CALR3: variants seen among roughly 807,000 people sequenced by gnomAD.
CALR3 encodes calreticulin-3.
Under a neutral mutation model 48.7 loss-of-function variants are expected in CALR3, and 39 were observed. That is an observed-to-expected ratio of 0.80 (90% CI 0.62 to 1.05). CALR3 has a LOEUF of 1.05. CALR3 is among the 50% of genes least tolerant of loss of function. The probability of loss-of-function intolerance (pLI) is 0.00; values close to 1 mark genes in which losing one functional copy is unlikely to be tolerated. For synonymous variants in CALR3, 185 were observed against 172.7 expected, an observed-to-expected ratio of 1.07 and a Z score of -0.56; for missense variants, 449 against 474.7, an observed-to-expected ratio of 0.95 and a Z score of 0.50.
intron 2 of CALR3, 90 bp downstream of exon 2, chr19:16,495,661 T>A (rs2093406611): frequency 1.0e-6 from 1 of 956,244 alleles, no homozygotes; most frequent in Non-Finnish European, 1.7e-6. Context: ...AAAACGGGAA[T>A]AAAAGCGTTT....
chr19:16,488,104 C>T (rs10469467), intron 3 of CALR3, among the ~76,000 whole-genome samples: 95,491 of 151,706 alleles, frequency 0.63, 30,697 homozygotes, highest in South Asian at 0.75. Flanking sequence ...TGAGCCACCG[C>T]GCCCGGCTCT....
intron 2 of CALR3, among the ~76,000 whole-genome samples, chr19:16,494,486 C>T (rs528858285): frequency 2.6e-5 from 4 of 152,094 alleles, no homozygotes; most frequent in Non-Finnish European, 4.4e-5. Context: ...CTCAGCCTCC[C>T]GAGTAGCTGG....
chr19:16,480,134 G>A (rs1226417971), intron 8 of CALR3, among the ~76,000 whole-genome samples: 1 of 148,954 alleles, frequency 6.7e-6, no homozygotes, highest in Non-Finnish European at 1.5e-5. Flanking sequence ...ACCGGGAGGT[G>A]GAGGTTGCAG....
chr19:16,489,099 TA>T (rs954478121), intron 3 of CALR3, among the ~76,000 whole-genome samples: 1 of 152,258 alleles, frequency 6.6e-6, no homozygotes, highest in African/African-American at 2.4e-5. Flanking sequence ...GTTAAAAACG[TA>T]AAAAACATTT....
chr19:16,482,731 C>CG lies in CALR3; in HGVS notation c.732dup (p.Gly245ArgfsTer2). 1 of 1,613,924 alleles carries CG rather than the reference C, an allele frequency of 6.2e-7. No individual in the cohort carries two copies. The highest frequency in any genetic ancestry group is 1.3e-5 in the African/African-American group (1 of 75,040). On this transcript the variant is annotated frameshift_variant, in exon 6 of 9. Coordinates refer to ENST00000269881, the MANE Select transcript of CALR3 (RefSeq NM_145046.5). LOFTEE classifies it high-confidence loss of function. ...GCTGGCCAGTCCCCATCCAGGTCAC[C>CG]GTTCCAGTCGCTCTGCTTGCTGGTG... is the stretch of plus-strand genomic sequence containing the variant.
At chr19:16,490,798 C>T (rs1246287943) in intron 2 of CALR3, among the ~76,000 whole-genome samples, 1 of 152,160 alleles carries the variant, frequency 6.6e-6, no homozygotes, top group African/African-American at 2.4e-5. Context: ...CACTCTGTCG[C>T]CCAGGCTGGA....
chr19:16,484,653 G>A (rs1287183557), intron 4 of CALR3, among the ~76,000 whole-genome samples: 1 of 151,840 alleles, frequency 6.6e-6, no homozygotes, highest in Non-Finnish European at 1.5e-5. Flanking sequence ...CAGTAGCTGG[G>A]ACCACAGGTT....
In CALR3 at chr19:16,482,714, G is replaced by A. The variant is rs149008417; in HGVS notation, c.750C>T (p.Asp250=). 6.2e-7 allele frequency: 1 copy of A among 1,614,088 alleles called. No individual in the cohort carries two copies. The highest frequency in any genetic ancestry group is 1.3e-5 in the African/African-American group (1 of 75,064). The change falls in exon 6 of 9, where the codon GAC becomes GAT. Residue 250 remains aspartate (D), a synonymous_variant. Coordinates refer to ENST00000269881, the MANE Select transcript of CALR3 (RefSeq NM_145046.5). ...GCTTCTGGAGCATCGGCGCTGGCCA[G>A]TCCCCATCCAGGTCACCGTTCCAGT... is the stretch of plus-strand genomic sequence containing the variant. The part of the protein sequence containing the change: ...QSDWNGDLDG[D]WPAPMLQKPP...
chr19:16,481,860 G>A (rs1030122984), intron 7 of CALR3, among the ~76,000 whole-genome samples: 2 of 150,942 alleles, frequency 1.3e-5, no homozygotes, highest in African/African-American at 2.4e-5. Context: ...GGAAGGCTGA[G>A]GTGGAAGGAC....
Position 16,484,022 on chromosome 19 carries a change from T to C in CALR3, c.586A>G (p.Ile196Val), listed in dbSNP as rs1246411297. The C allele has an allele frequency of 1.2e-6, 2 of 1,614,034 alleles. No individual in the cohort carries two copies. The highest frequency in any genetic ancestry group is 4.5e-5 in the East Asian group (2 of 44,898). The change falls in exon 5 of 9, where the codon ATA (isoleucine) becomes GTA (valine). Residue 196 changes from isoleucine (I) to valine (V), a missense_variant. Ile to Val is a conservative substitution (Grantham distance 29). Transcript: ENST00000269881. ...GATGTTAAGTTCCAGTCGTACTCTA[T>C]GCTGCCGGATTCAATTGACTGACCA... ...IDGQSIESGS[I>V]EYDWNLTSLK...
chr19:16,483,980 A>G lies in CALR3; in HGVS notation c.628T>C (p.Ser210Pro). Residue 210 changes from serine to proline, a missense_variant, in exon 5 of 9, where the codon TCC (serine) becomes CCC (proline). Physicochemically the swap from Ser to Pro is moderately conservative, Grantham distance 74. Coordinates refer to ENST00000269881, the MANE Select transcript of CALR3 (RefSeq NM_145046.5). ...TCCCAATCCTTCGATTCTGCCGGGG[A>G]CGTTTCCTTCTTGAGTGATGTTAAG... ...WNLTSLKKETSPAESKDWEQT... is the reference protein window; with the variant it reads ...WNLTSLKKETPPAESKDWEQT... The G allele has an allele frequency of 6.2e-7, 1 of 1,613,852 alleles. No homozygotes were observed. Among genetic ancestry groups the G allele is most frequent in the Non-Finnish European group, 8.5e-7 (1 of 1,180,000 alleles).
At chr19:16,484,280 C>T (rs2093385612) in intron 4 of CALR3, among the ~76,000 whole-genome samples, 165 bp from the exon 5 acceptor site, 1 of 149,606 alleles carries the variant, frequency 6.7e-6, no homozygotes, top group African/African-American at 2.5e-5. Flanking sequence ...TGAGTTCAAG[C>T]GATTCTACTG....
rs1360767331 is a variant in CALR3 at position 16,485,198 on chromosome 19, T to C, written c.457A>G (p.Lys153Glu). 7 of 1,610,452 alleles carry C rather than the reference T, an allele frequency of 4.3e-6. No homozygotes were observed. The highest frequency in any genetic ancestry group is 5.9e-6 in the Non-Finnish European group (7 of 1,176,776). The change falls in exon 4 of 9, where the codon AAG becomes GAG. Residue 153 changes from lysine to glutamate, a missense_variant. Physicochemically the swap from Lys to Glu is moderately conservative, Grantham distance 56 (BLOSUM62 1). Transcript: ENST00000269881. ...ATCAGTTTCTTGTTTTCGTGATACT[T>C]ATTCTTGAAATGTAAAATAACATGA... ...KVHVILHFKNKYHENKKLIRC... is the reference protein window; with the variant it reads ...KVHVILHFKNEYHENKKLIRC...
intron 3 of CALR3, among the ~76,000 whole-genome samples, 167 bp from the exon 4 acceptor site, chr19:16,485,424 A>G (rs2122134013): frequency 6.6e-6 from 1 of 151,762 alleles, no homozygotes; most frequent in Non-Finnish European, 1.5e-5. Flanking sequence ...GGTTCAAGCA[A>G]TTCTCCTGCC....
Position 16,483,955 on chromosome 19 carries a change from TCCCA to T in CALR3, c.649_652del (p.Trp217AsnfsTer48). 1 of 1,614,076 alleles carries T rather than the reference TCCCA, an allele frequency of 6.2e-7. No individual in the cohort carries two copies. Among genetic ancestry groups the T allele is most frequent in the Non-Finnish European group, 8.5e-7 (1 of 1,180,022 alleles). On this transcript the variant is annotated frameshift_variant, in exon 5 of 9. Coordinates refer to ENST00000269881, the MANE Select transcript of CALR3 (RefSeq NM_145046.5). LOFTEE classifies it high-confidence loss of function. ...CTGGGCTTTGTTGTCTTTAGTCTGTTCCCAATCCTTCGATTCTGCCGGGGACGTT... is the reference window on the plus strand; with the variant it reads ...CTGGGCTTTGTTGTCTTTAGTCTGTTATCCTTCGATTCTGCCGGGGACGTT...
intron 3 of CALR3, among the ~76,000 whole-genome samples, chr19:16,489,082 C>G (rs940286826): frequency 1.3e-5 from 2 of 152,230 alleles, no homozygotes; most frequent in African/African-American, 4.8e-5. Flanking sequence ...TTGATTTTTT[C>G]CAACCAGTTA....
intron 8 of CALR3, 135 bp downstream of exon 8, chr19:16,480,479 G>C: frequency 1.5e-6 from 1 of 672,064 alleles, no homozygotes; most frequent in African/African-American, 1.8e-5. Context: ...TTGAACCCGG[G>C]AGGTGGAGGT....
Position 16,482,593 on chromosome 19 carries a change from A to G in CALR3, c.787-12T>C. 6.2e-7 allele frequency: 1 copy of G among 1,614,154 alleles called. No individual in the cohort carries two copies. Among genetic ancestry groups the G allele is most frequent in the Non-Finnish European group, 8.5e-7 (1 of 1,180,032 alleles). Reference sequence around the variant, plus strand: ...GGTTTCAGGCCATCCTGTATCAAAAAAACCATATGGGGTGGTCTCAATGAC... The same window carrying G: ...GGTTTCAGGCCATCCTGTATCAAAAGAACCATATGGGGTGGTCTCAATGAC... On this transcript the variant is annotated splice_polypyrimidine_tract_variant and intron_variant, in intron 6 of 8. Coordinates refer to ENST00000269881, the MANE Select transcript of CALR3 (RefSeq NM_145046.5).
chr19:16,489,104 A>ATCTT (rs1169359859), intron 3 of CALR3, among the ~76,000 whole-genome samples: 1 of 152,266 alleles, frequency 6.6e-6, no homozygotes, highest in Non-Finnish European at 1.5e-5. Context: ...AAACGTAAAA[A>ATCTT]ACATTTTTAG....
Sources: allele counts gnomAD v4.1 joint callset (sites outside exome capture counted in the v4.1 genomes callset), GRCh38; gene constraint gnomAD v4.1.1; transcripts MANE v1.5; gene names NCBI Gene and HGNC (gene_info 2026-07-23, HGNC 2026-07-21).